MAD1L1: variants seen among roughly 807,000 people sequenced by gnomAD.
The protein encoded by MAD1L1 is mitotic arrest deficient 1 like 1.
In MAD1L1, 95 loss-of-function variants were observed where a neutral mutation model predicts 96.9. The ratio of observed to expected loss-of-function variants is 0.98; its 90% confidence interval spans 0.83 to 1.16. The LOEUF (loss-of-function observed/expected upper bound fraction) is 1.16. MAD1L1 is among the 50% of genes most tolerant of loss of function. The pLI is 0.00. For missense variants in MAD1L1, 1,007 were observed against 954.4 expected (o/e 1.06, Z -0.73); for synonymous variants, 473 against 396.6 (o/e 1.19, Z -2.29).
intron 10 of MAD1L1, among the ~76,000 whole-genome samples, chr7:2,160,329 A>ATTTTTTT (rs58004689): frequency 9.1e-6 from 1 of 109,718 alleles, no homozygotes; most frequent in African/African-American, 3.5e-5. Flanking sequence ...ACTGGATCCT[A>ATTTTTTT]TTTTTTTTTT....
intron 18 of MAD1L1, among the ~76,000 whole-genome samples, chr7:1,879,504 G>C (rs1416210533): frequency 6.6e-6 from 1 of 150,952 alleles, no homozygotes; most frequent in Admixed American, 6.6e-5. Context: ...TTGATCTACA[G>C]ATTGAATGTA....
At chr7:2,182,753 G>C (rs1368127620) in intron 10 of MAD1L1, among the ~76,000 whole-genome samples, 2 of 152,178 alleles carry the variant, frequency 1.3e-5, no homozygotes, top group Non-Finnish European at 2.9e-5. Flanking sequence ...GTCCAGAACA[G>C]GTAAACCCAG....
chr7:2,220,949 A>G, intron 5 of MAD1L1: 1 of 1,612,364 alleles, frequency 6.2e-7, no homozygotes. Context: ...CCCGTGTTGT[A>G]GGGGACGCCG....
At chr7:2,226,549 G>A (rs1793907943) in intron 3 of MAD1L1, among the ~76,000 whole-genome samples, 1 of 152,242 alleles carries the variant, frequency 6.6e-6, no homozygotes, top group African/African-American at 2.4e-5. Flanking sequence ...AATAGTTCCA[G>A]AGCCGGCCTT....
At chr7:2,002,272 G>C in intron 13 of MAD1L1, 151 bp from the exon 14 acceptor site, 2 of 747,188 alleles carry the variant, frequency 2.7e-6, no homozygotes, top group South Asian at 3.2e-5. Flanking sequence ...CCAGAGGGTG[G>C]GCAGGGGCCA....
chr7:2,158,128 A>G (rs995074479), intron 10 of MAD1L1, among the ~76,000 whole-genome samples: 1 of 152,216 alleles, frequency 6.6e-6, no homozygotes, highest in Non-Finnish European at 1.5e-5. Flanking sequence ...GTGGGTTTTC[A>G]AGGGGAAGAA....
At chr7:2,181,924 C>T (rs1791220325) in intron 10 of MAD1L1, among the ~76,000 whole-genome samples, 1 of 152,014 alleles carries the variant, frequency 6.6e-6, no homozygotes, top group South Asian at 2.1e-4. Flanking sequence ...CGAAGAAACT[C>T]AGGAATGGAA....
intron 11 of MAD1L1, among the ~76,000 whole-genome samples, chr7:2,134,069 T>C (rs528135709): frequency 6.6e-6 from 1 of 152,352 alleles, no homozygotes; most frequent in East Asian, 1.9e-4. Context: ...AAATATAACT[T>C]GCTGGGATTC....
intron 10 of MAD1L1, among the ~76,000 whole-genome samples, chr7:2,172,031 C>A (rs1307274388): frequency 1.3e-5 from 2 of 152,184 alleles, no homozygotes; most frequent in Non-Finnish European, 2.9e-5. Context: ...AGCCACTCAT[C>A]GGCTGTGAGT....
At chr7:2,225,214 G>A (rs555502012) in intron 4 of MAD1L1, among the ~76,000 whole-genome samples, 196 bp downstream of exon 4, 3 of 146,060 alleles carry the variant, frequency 2.1e-5, no homozygotes, top group Non-Finnish European at 2.9e-5. Flanking sequence ...CATTTCCTAC[G>A]GCCTGGCAGG....
chr7:2,161,560 C>A (rs1008478305), intron 10 of MAD1L1, among the ~76,000 whole-genome samples: 1 of 152,114 alleles, frequency 6.6e-6, no homozygotes, highest in Non-Finnish European at 1.5e-5. Context: ...CTCTGACCGG[C>A]CGCCCATCGT....
chr7:1,915,299 A>T (rs894943062), intron 17 of MAD1L1, among the ~76,000 whole-genome samples: 1 of 152,190 alleles, frequency 6.6e-6, no homozygotes, highest in Non-Finnish European at 1.5e-5. Flanking sequence ...AGAGAACCGC[A>T]GCCGGGAGGG....
chr7:1,836,445 T>C (rs4458759), intron 18 of MAD1L1, among the ~76,000 whole-genome samples: 65,499 of 152,020 alleles, frequency 0.43, 14,498 homozygotes, highest in African/African-American at 0.51. Flanking sequence ...ATCTCTCATC[T>C]TGTGACTACG....
At chr7:1,957,928 CGGCCCCTGCTCAGCT>C (rs546479015) in intron 15 of MAD1L1, among the ~76,000 whole-genome samples, 2 of 152,332 alleles carry the variant, frequency 1.3e-5, no homozygotes, top group East Asian at 3.9e-4. Context: ...GAGTCCGTGG[CGGCCCCTGCTCAGCT>C]GGAGGAGCCT....
At chr7:2,131,940 G>C (rs1411133824) in intron 11 of MAD1L1, among the ~76,000 whole-genome samples, 1 of 152,194 alleles carries the variant, frequency 6.6e-6, no homozygotes, top group South Asian at 2.1e-4. Context: ...ATGGAGGGCT[G>C]CTCAGGTGCC....
intron 11 of MAD1L1, among the ~76,000 whole-genome samples, chr7:2,087,188 G>A (rs1785962572): frequency 1.3e-5 from 2 of 152,156 alleles, no homozygotes; most frequent in South Asian, 4.1e-4. Context: ...GATGCTCAGT[G>A]CAACTGTCAA....
intron 10 of MAD1L1, chr7:2,200,157 G>C (rs976839643): frequency 2.6e-5 from 4 of 152,366 alleles, no homozygotes; most frequent in Non-Finnish European, 5.9e-5. Flanking sequence ...GGCCAGGTGT[G>C]CACCACCCTA....
At chr7:2,149,936 C>A (rs777706306) in intron 10 of MAD1L1, among the ~76,000 whole-genome samples, 1 of 152,220 alleles carries the variant, frequency 6.6e-6, no homozygotes, top group Non-Finnish European at 1.5e-5. Flanking sequence ...CCCAGCCTCA[C>A]AACCTGGGGC....
chr7:1,947,844 T>C (rs1779301782), intron 16 of MAD1L1, among the ~76,000 whole-genome samples: 1 of 152,192 alleles, frequency 6.6e-6, no homozygotes. Flanking sequence ...TGGATGCACC[T>C]ATACACACCT....
Sources: gnomAD v4.1 joint callset for allele counts (sites outside exome capture counted in the v4.1 genomes callset) on GRCh38, gnomAD v4.1.1 for gene constraint, MANE v1.5 for transcripts, NCBI Gene and HGNC (gene_info 2026-07-23, HGNC 2026-07-21) for gene names.